The following FAM222A variants were observed in gnomAD, a reference collection of about 807,000 sequenced individuals.
FAM222A encodes family with sequence similarity 222 member A, also known as protein FAM222A.
In FAM222A, 7 loss-of-function variants were observed where a neutral mutation model predicts 25.8. That is an observed-to-expected ratio of 0.27 (90% CI 0.15 to 0.51). The LOEUF is 0.51. Among genes scored for constraint, FAM222A ranks in the 20% least tolerant of loss-of-function variants. The pLI is 0.97. For missense variants in FAM222A, 573 were observed against 640.5 expected (o/e 0.89, Z 1.14); for synonymous variants, 294 against 298.8 (o/e 0.98, Z 0.17).
chr12:109,715,574 G>C (rs1009636483), intron 1 of FAM222A, among the ~76,000 whole-genome samples: 6 of 152,254 alleles, frequency 3.9e-5, no homozygotes, highest in African/African-American at 1.4e-4. Flanking sequence ...TAGTGGAGGG[G>C]TGAAGGCGGA....
intron 1 of FAM222A, among the ~76,000 whole-genome samples, chr12:109,738,022 ACAG>A: frequency 6.6e-6 from 1 of 152,196 alleles, no homozygotes; most frequent in Middle Eastern, 3.4e-3. Context: ...AGAGAGAGAG[ACAG>A]CAGGAAGGAG....
In FAM222A at chr12:109,768,745, C is replaced by T. The variant is rs372654452; in HGVS notation, c.816C>T (p.Ala272=). Residue 272 remains alanine, a synonymous_variant, in exon 3 of 3, where the codon GCC becomes GCT. Coordinates refer to ENST00000538780, the MANE Select transcript of FAM222A (RefSeq NM_032829.3). The part of the protein sequence containing the change: ...GATQALTLAG[A]AKPAGYADSG... ...CCCAAGCCTTGACGTTGGCTGGGGC[C>T]GCCAAGCCTGCAGGGTACGCAGACA... The T allele has an allele frequency of 4.0e-5, 63 of 1,578,982 alleles. No homozygotes were observed. The East Asian group carries it at 1.0e-3, about 26-fold the overall frequency.
In FAM222A at chr12:109,768,449, G is replaced by A. The variant is rs1373740154; in HGVS notation, c.520G>A (p.Ala174Thr). 7 of 1,600,122 alleles carry A rather than the reference G, an allele frequency of 4.4e-6. No homozygotes were observed. Among genetic ancestry groups the A allele is most frequent in the Non-Finnish European group, 5.9e-6 (7 of 1,178,830 alleles). The change falls in exon 3 of 3, where the codon GCA becomes ACA. Residue 174 changes from alanine to threonine, a missense_variant. Physicochemically the swap from Ala to Thr is moderately conservative, Grantham distance 58. Coordinates refer to ENST00000538780, the MANE Select transcript of FAM222A (RefSeq NM_032829.3). ...EAPAPPPGLP[A>T]AATAASVIPL... ...GCCTGCTCCACCACCCGGCCTGCCCGCAGCCGCCACTGCCGCCTCCGTCAT... is the reference window on the plus strand; with the variant it reads ...GCCTGCTCCACCACCCGGCCTGCCCACAGCCGCCACTGCCGCCTCCGTCAT...
At chr12:109,730,306 GT>G (rs1313033340) in intron 1 of FAM222A, among the ~76,000 whole-genome samples, 1 of 151,070 alleles carries the variant, frequency 6.6e-6, no homozygotes, top group Non-Finnish European at 1.5e-5. Context: ...CTGTGCCTCA[GT>G]TTCCCCCCCT....
intron 2 of FAM222A, among the ~76,000 whole-genome samples, chr12:109,766,140 T>C (rs1046881259): frequency 2.6e-5 from 4 of 152,274 alleles, no homozygotes; most frequent in East Asian, 3.9e-4. Context: ...CCTGGCATGA[T>C]CATGACCCTC....
chr12:109,760,409 C>T (rs946469443), intron 2 of FAM222A, among the ~76,000 whole-genome samples: 3 of 152,288 alleles, frequency 2.0e-5, no homozygotes, highest in African/African-American at 7.2e-5. Flanking sequence ...ACAGTACCAA[C>T]GCTGCCCAGT....
In FAM222A at chr12:109,768,954, G is replaced by A; in HGVS notation, c.1025G>A (p.Gly342Asp). 6.4e-7 allele frequency: 1 copy of A among 1,574,498 alleles called. No individual in the cohort carries two copies. The highest frequency in any genetic ancestry group is 1.1e-5 in the South Asian group (1 of 87,282). Reference protein sequence around the residue: ...GVGLPTSFTVGQYFAAPWNSV... With the variant: ...GVGLPTSFTVDQYFAAPWNSV... ...GGGCTGCCCACCAGCTTCACCGTAG[G>A]CCAGTACTTTGCGGCCCCGTGGAAC... The change falls in exon 3 of 3, where the codon GGC (glycine) becomes GAC (aspartate). Residue 342 changes from glycine (G) to aspartate (D), a missense_variant. By Grantham distance (94) the Gly-to-Asp change is moderately conservative. Around this residue, in one of 3 missense-constraint regions of FAM222A, gnomAD observed 412 missense variants for 407.0 expected, o/e 1.01. Coordinates refer to ENST00000538780, the MANE Select transcript of FAM222A (RefSeq NM_032829.3).
In FAM222A at chr12:109,742,316, G is replaced by A. The variant is rs574732734; in HGVS notation, c.-46-1785G>A. On this transcript the variant is annotated intron_variant, in intron 1 of 2. Coordinates refer to ENST00000538780, the MANE Select transcript of FAM222A (RefSeq NM_032829.3). ...CCAAGGCTGTGGTGATGGCAGGCCC[G>A]AGTCAGGCCTGCTCCCGCCACCTGC... Among the ~76,000 whole-genome samples, 252 of 152,334 alleles carry A rather than the reference G, an allele frequency of 1.7e-3. 1 individual carries two copies. Among genetic ancestry groups the A allele is most frequent in the African/African-American group, 5.9e-3 (246 of 41,584 alleles).
intron 1 of FAM222A, among the ~76,000 whole-genome samples, chr12:109,718,489 C>G (rs1056480803): frequency 6.6e-6 from 1 of 152,218 alleles, no homozygotes; most frequent in South Asian, 2.1e-4. Context: ...GGCGATTCCT[C>G]TGGGCTCGGG....
At position 109,747,464 on chromosome 12, in the gene FAM222A, G is replaced by A. The variant is rs1258282255; in HGVS notation, c.82+3236G>A. On this transcript the variant is annotated intron_variant, in intron 2 of 2. Transcript: ENST00000538780. ...CTCCCCCTCTACCCAAATTTCCTTG[G>A]CTCTTTTATTATTTTCTTGTCTGAA... Among the ~76,000 whole-genome samples the A allele has an allele frequency of 5.3e-5, 8 of 152,026 alleles. No individual in the cohort carries two copies. In the East Asian group the frequency reaches 1.5e-3, roughly 29 times the overall value.
rs1329896302 is a variant in FAM222A at position 109,768,563 on chromosome 12, G to A, written c.634G>A (p.Ala212Thr). The A allele has an allele frequency of 1.2e-6, 2 of 1,601,676 alleles. No individual in the cohort carries two copies. The highest frequency in any genetic ancestry group is 2.2e-5 in the East Asian group (1 of 44,658). ...GTACCAGCTCAACCAGCAGTGCCAG[G>A]CCCCGGGCGCCGCACCCCCTGCCTG... ...LLYQLNQQCQ[A>T]PGAAPPACQG... The change falls in exon 3 of 3, where the codon GCC becomes ACC. Residue 212 changes from alanine to threonine, a missense_variant. Coordinates refer to ENST00000538780, the MANE Select transcript of FAM222A (RefSeq NM_032829.3).
intron 1 of FAM222A, among the ~76,000 whole-genome samples, chr12:109,732,037 C>T (rs181547272): frequency 3.7e-4 from 57 of 152,278 alleles, no homozygotes; most frequent in Non-Finnish European, 7.2e-4. Context: ...AACCTTCTCA[C>T]GCAGGGCTGT....
At chr12:109,761,982 C>T (rs1244479347) in intron 2 of FAM222A, among the ~76,000 whole-genome samples, 1 of 144,504 alleles carries the variant, frequency 6.9e-6, no homozygotes, top group Admixed American at 6.8e-5. Context: ...CCCAGCTGTG[C>T]CAGGTCCCAT....
Position 109,755,477 on chromosome 12 carries a change from C to T in FAM222A, c.82+11249C>T, listed in dbSNP as rs1192167894. On this transcript the variant is annotated intron_variant, in intron 2 of 2. Transcript: ENST00000538780. ...CCGAGTAGCTGGGATTGCAGGCATGCGCCACCATGGCCAGCTAATTTTGTA... is the reference window on the plus strand; with the variant it reads ...CCGAGTAGCTGGGATTGCAGGCATGTGCCACCATGGCCAGCTAATTTTGTA... 6.6e-5 allele frequency among the ~76,000 whole-genome samples: 10 copies of T among 151,924 alleles called. No homozygotes were observed. In the South Asian group the frequency reaches 1.0e-3, roughly 16 times the overall value.
chr12:109,723,996 G>A (rs1887797698), intron 1 of FAM222A, among the ~76,000 whole-genome samples: 1 of 152,194 alleles, frequency 6.6e-6, no homozygotes, highest in Non-Finnish European at 1.5e-5. Context: ...CAATTGCCAA[G>A]GTTTTTCTAG....
At position 109,714,182 on chromosome 12, in the gene FAM222A, C is replaced by G. The variant is rs1399393534; in HGVS notation, c.-762C>G. ...AGCGCCGAGGCCCCCGAGGCTGCAT[C>G]CGAGCTTGCGTCGCCCGCTGCCGCC... is the stretch of plus-strand genomic sequence containing the variant. On this transcript the variant is annotated 5_prime_UTR_variant, in exon 1 of 3. In the 5' UTR this introduces an upstream ATG that the reference lacks. Coordinates refer to ENST00000538780, the MANE Select transcript of FAM222A (RefSeq NM_032829.3). This position sits in a 1 kb window ranked among gnomAD's most constrained non-coding sequence, Gnocchi z 4.2. 1 of 203,578 alleles carries G rather than the reference C, an allele frequency of 4.9e-6. No homozygotes were observed. The highest frequency in any genetic ancestry group is 2.4e-5 in the African/African-American group (1 of 41,868). 12.6% of individuals were successfully genotyped at this position (203,578 alleles called of 1,614,324 possible).
intron 1 of FAM222A, among the ~76,000 whole-genome samples, chr12:109,729,482 G>A (rs1212588671): frequency 1.3e-5 from 2 of 152,222 alleles, no homozygotes; most frequent in African/African-American, 4.8e-5. Context: ...AGAGGCAGGA[G>A]GCAGGGCCTG....
At chr12:109,722,088 G>C (rs1020951282) in intron 1 of FAM222A, among the ~76,000 whole-genome samples, 4 of 152,182 alleles carry the variant, frequency 2.6e-5, no homozygotes, top group African/African-American at 9.7e-5. Flanking sequence ...TTTTTTTGGA[G>C]GCTTTAAAGG....
chr12:109,758,831 A>T lies in FAM222A; in HGVS notation c.83-9181A>T, dbSNP rs140716547. On this transcript the variant is annotated intron_variant, in intron 2 of 2. Coordinates refer to ENST00000538780, the MANE Select transcript of FAM222A (RefSeq NM_032829.3). ...AGGCCCTGTGCCAGGGACCCCTTCC[A>T]TCCTAGAGAAGCCCTGGACACCCCT... 6.6e-5 allele frequency among the ~76,000 whole-genome samples: 10 copies of T among 152,176 alleles called. No homozygotes were observed. In the East Asian group the frequency reaches 1.9e-3, roughly 29 times the overall value.
Sources: gnomAD v4.1 joint callset for allele counts (sites outside exome capture counted in the v4.1 genomes callset) on GRCh38, gnomAD v4.1.1 for gene constraint, gnomAD v4.1.1 regional missense constraint, Gnocchi (gnomAD v3.1) non-coding constraint, MANE v1.5 for transcripts, NCBI Gene and HGNC (gene_info 2026-07-23, HGNC 2026-07-21) for gene names.